The following CA10 variants were observed in gnomAD, a reference collection of about 807,000 sequenced individuals.
CA10 encodes the protein carbonic anhydrase 10 (inactive), also known as carbonic anhydrase-related protein 10.
In CA10, 14 loss-of-function variants were observed where a neutral mutation model predicts 44.2. The ratio of observed to expected loss-of-function variants is 0.32; its 90% CI spans 0.21 to 0.50. CA10 has a LOEUF of 0.50. Ranked by LOEUF, CA10 falls within the 20% of genes least tolerant of loss-of-function variation. The pLI is 0.99. For missense variants in CA10, 350 were observed against 409.7 expected (o/e 0.85, Z 1.26); for synonymous variants, 159 against 141.6 (o/e 1.12, Z -0.87).
chr17:51,850,422 T>G (rs1325441249), intron 3 of CA10, among the ~76,000 whole-genome samples: 2 of 151,850 alleles, frequency 1.3e-5, no homozygotes, highest in East Asian at 3.9e-4. Context: ...CAAAGGCAGG[T>G]CTGTCTGCAA....
intron 4 of CA10, among the ~76,000 whole-genome samples, chr17:51,680,631 T>C (rs562613189): frequency 2.0e-5 from 3 of 152,328 alleles, no homozygotes; most frequent in South Asian, 4.1e-4. Flanking sequence ...AGGGGACATC[T>C]CCTGATACTT....
intron 3 of CA10, among the ~76,000 whole-genome samples, chr17:51,869,267 A>G (rs1369275631): frequency 6.6e-6 from 1 of 152,168 alleles, no homozygotes; most frequent in African/African-American, 2.4e-5. Flanking sequence ...CCAATCATAA[A>G]CCATTTCAAA....
intron 2 of CA10, among the ~76,000 whole-genome samples, chr17:51,999,305 G>A (rs966482475): frequency 5.3e-5 from 8 of 152,010 alleles, no homozygotes; most frequent in African/African-American, 1.9e-4. Context: ...AACAGTTCTA[G>A]ATCATCACAC....
At chr17:51,691,620 A>AC (rs111853912) in intron 4 of CA10, among the ~76,000 whole-genome samples, 12,378 of 152,096 alleles carry the variant, frequency 0.081, 1,672 homozygotes, top group African/African-American at 0.28. Flanking sequence ...GTGTTCATAT[A>AC]TAAAAAAAAT....
At chr17:51,767,752 C>T (rs1905443573) in intron 3 of CA10, among the ~76,000 whole-genome samples, 1 of 151,214 alleles carries the variant, frequency 6.6e-6, no homozygotes, top group South Asian at 2.1e-4. Context: ...CTAGATGGTC[C>T]CATCTGGGGG....
At chr17:52,143,668 C>T (rs1415869412) in intron 1 of CA10, among the ~76,000 whole-genome samples, 5 of 152,080 alleles carry the variant, frequency 3.3e-5, no homozygotes, top group African/African-American at 1.2e-4. Flanking sequence ...ATCAGGCTGG[C>T]TGGGGTGGGT....
intron 3 of CA10, among the ~76,000 whole-genome samples, chr17:51,871,445 G>C (rs1354955680): frequency 8.0e-6 from 1 of 124,728 alleles, no homozygotes; most frequent in Non-Finnish European, 1.6e-5. Context: ...TCACCATGTT[G>C]GCCAGGCTGG....
intron 1 of CA10, among the ~76,000 whole-genome samples, chr17:52,081,591 G>A (rs1217578210): frequency 6.6e-6 from 1 of 152,072 alleles, no homozygotes; most frequent in Non-Finnish European, 1.5e-5. Context: ...ACGAGGTCAG[G>A]AGATCGAGAC....
At chr17:51,778,180 T>C (rs732809) in intron 3 of CA10, among the ~76,000 whole-genome samples, 78 of 152,332 alleles carry the variant, frequency 5.1e-4, no homozygotes, top group African/African-American at 1.8e-3. Flanking sequence ...AATAGCAGCC[T>C]TCAGATTTAT....
intron 6 of CA10, among the ~76,000 whole-genome samples, chr17:51,639,568 A>AGAT (rs1459825327): frequency 6.6e-6 from 1 of 152,186 alleles, no homozygotes; most frequent in Non-Finnish European, 1.5e-5. Context: ...TCCTGCCAGG[A>AGAT]GATCCCTCTT....
chr17:51,810,152 T>A (rs1166994573), intron 3 of CA10, among the ~76,000 whole-genome samples: 2 of 152,326 alleles, frequency 1.3e-5, no homozygotes, highest in Non-Finnish European at 1.5e-5. Flanking sequence ...TACAGAATAT[T>A]GATCAACATT....
intron 2 of CA10, among the ~76,000 whole-genome samples, chr17:51,988,337 G>A (rs937756219): frequency 1.3e-5 from 2 of 151,944 alleles, no homozygotes; most frequent in African/African-American, 4.8e-5. Context: ...GTAAGAAAAT[G>A]AAATGAAGCA....
At chr17:51,963,255 A>T (rs548818397) in intron 2 of CA10, among the ~76,000 whole-genome samples, 3 of 152,312 alleles carry the variant, frequency 2.0e-5, no homozygotes, top group African/African-American at 7.2e-5. Flanking sequence ...TCTTTGAGAA[A>T]TATGAGATTG....
intron 2 of CA10, among the ~76,000 whole-genome samples, chr17:52,047,700 CTA>C (rs1258006229): frequency 1.3e-5 from 2 of 151,758 alleles, no homozygotes; most frequent in African/African-American, 2.4e-5. Context: ...AGTTTTTCTT[CTA>C]TAGTTATGAG....
intron 2 of CA10, among the ~76,000 whole-genome samples, chr17:51,962,732 C>A (rs1983938520): frequency 2.6e-5 from 4 of 152,114 alleles, no homozygotes; most frequent in African/African-American, 9.6e-5. Flanking sequence ...AAAGAAAAAA[C>A]CCGCTAATGA....
intron 3 of CA10, among the ~76,000 whole-genome samples, chr17:51,834,412 C>T (rs1908399816): frequency 6.6e-6 from 1 of 152,228 alleles, no homozygotes; most frequent in South Asian, 2.1e-4. Flanking sequence ...CTCAGATTCT[C>T]TGTTCATGCC....
intron 3 of CA10, among the ~76,000 whole-genome samples, chr17:51,754,439 A>C (rs1215086783): frequency 7.6e-6 from 1 of 131,382 alleles, no homozygotes; most frequent in East Asian, 2.2e-4. Flanking sequence ...ATATATATAT[A>C]TATATATATC....
chr17:51,931,635 G>A (rs916434685), intron 2 of CA10, among the ~76,000 whole-genome samples: 1 of 152,060 alleles, frequency 6.6e-6, no homozygotes, highest in Admixed American at 6.6e-5. Context: ...CTTATTTTAT[G>A]AGCCCCCTAA....
chr17:51,950,100 C>G (rs540417468), intron 2 of CA10, among the ~76,000 whole-genome samples: 3 of 152,146 alleles, frequency 2.0e-5, no homozygotes, highest in Admixed American at 2.0e-4. Flanking sequence ...GACCTTCTTA[C>G]TGATCATTAG....
Sources: allele counts gnomAD v4.1 joint callset (sites outside exome capture counted in the v4.1 genomes callset), GRCh38; gene constraint gnomAD v4.1.1; transcripts MANE v1.5; gene names NCBI Gene and HGNC (gene_info 2026-07-23, HGNC 2026-07-21).